ERAP2: variants seen among roughly 807,000 people sequenced by gnomAD.
ERAP2 encodes leukocyte-derived arginine aminopeptidase.
Under a neutral mutation model 111.1 loss-of-function variants are expected in ERAP2, and 118 were observed. That is an observed-to-expected ratio of 1.06 (90% CI 0.92 to 1.24). The LOEUF (loss-of-function observed/expected upper bound fraction) is 1.24. Ranked by LOEUF, ERAP2 falls within the 50% of genes most tolerant of loss-of-function variation. The probability of loss-of-function intolerance (pLI) is 0.00; values close to 1 mark genes in which losing one functional copy is unlikely to be tolerated. For missense variants in ERAP2, 1,131 were observed against 1,125.8 expected, an observed-to-expected ratio of 1.00 and a Z score of -0.07; for synonymous variants, 410 against 401.2, an observed-to-expected ratio of 1.02 and a Z score of -0.26.
intron 6 of ERAP2, among the ~76,000 whole-genome samples, chr5:96,893,613 A>G (rs1405899439): frequency 2.0e-5 from 3 of 152,182 alleles, no homozygotes; most frequent in Non-Finnish European, 2.9e-5. Flanking sequence ...CTGAGGCTCC[A>G]TGCTCCCTCT....
chr5:96,909,640 T>C lies in ERAP2; in HGVS notation c.2230T>C (p.Ser744Pro). ...CAGGCAAAGCTGGAGTGACAAGGGC[T>C]CAGTCTGGGACAGGATGCTCCGCTC... ...IDRQSWSDKG[S>P]VWDRMLRSAL... The change falls in exon 15 of 19, where the codon TCA (serine) becomes CCA (proline). Residue 744 changes from serine to proline, a missense_variant. By Grantham distance (74) the Ser-to-Pro change is moderately conservative. Transcript: ENST00000437043. 6.2e-7 allele frequency: 1 copy of C among 1,614,186 alleles called. No homozygotes were observed. Among genetic ancestry groups the C allele is most frequent in the Non-Finnish European group, 8.5e-7 (1 of 1,180,024 alleles).
At chr5:96,884,018 A>G in intron 3 of ERAP2, 88 bp downstream of exon 3, 2 of 1,291,262 alleles carry the variant, frequency 1.5e-6, no homozygotes, top group Non-Finnish European at 2.1e-6. Context: ...TCAGGATTTC[A>G]GCCATTAATT....
rs950557023 is a variant in ERAP2 at position 96,909,263 on chromosome 5, C to T, written c.2169+146C>T. 13 of 746,938 alleles carry T rather than the reference C, an allele frequency of 1.7e-5. No individual in the cohort carries two copies. The African/African-American group carries it at 2.3e-4, about 13-fold the overall frequency. 46.3% of individuals were successfully genotyped at this position (746,938 alleles called of 1,614,324 possible). On this transcript the variant is annotated intron_variant, in intron 14 of 18. Transcript: ENST00000437043. ...TGATAGCATGTAATGGTCAATGACC[C>T]TTGTTCTTTACCATTGCCAATCCTA... is the stretch of plus-strand genomic sequence containing the variant.
intron 13 of ERAP2, among the ~76,000 whole-genome samples, chr5:96,907,029 AAAAAC>A (rs551214151): frequency 1.1e-4 from 16 of 152,218 alleles, no homozygotes; most frequent in African/African-American, 3.1e-4. Context: ...ACTCCATCTC[AAAAAC>A]AAAACAAAAC....
chr5:96,898,572 CAAAA>C (rs770783071), intron 9 of ERAP2, among the ~76,000 whole-genome samples: 162 of 94,452 alleles, frequency 1.7e-3, no homozygotes, highest in African/African-American at 6.3e-3. Context: ...TACTAAAATA[CAAAA>C]AAAAAAAAAA....
Position 96,917,729 on chromosome 5 carries a change from A to AC in ERAP2, c.*128dup, listed in dbSNP as rs1787580331. ...AGACCATCCTGGCTAACACGGTGAG[A>AC]CCCCGTCTCCGCTAAAAATACAAAA... On this transcript the variant is annotated 3_prime_UTR_variant, in exon 19 of 19. Coordinates refer to ENST00000437043, the MANE Select transcript of ERAP2 (RefSeq NM_022350.5). 1 of 651,076 alleles carries AC rather than the reference A, an allele frequency of 1.5e-6. No homozygotes were observed. The highest frequency in any genetic ancestry group is 2.3e-5 in the South Asian group (1 of 44,078). 40.3% of individuals were successfully genotyped at this position (651,076 alleles called of 1,614,324 possible). A position where few individuals can be genotyped will look rare whatever the true frequency, so the allele number is the denominator to read the frequency against.
At chr5:96,914,182 A>G (rs923115727) in intron 17 of ERAP2, among the ~76,000 whole-genome samples, 3 of 151,854 alleles carry the variant, frequency 2.0e-5, no homozygotes, top group Non-Finnish European at 2.9e-5. Flanking sequence ...ACAAAACCCT[A>G]TAAGGCATTC....
Position 96,918,906 on chromosome 5 carries a change from C to T in ERAP2, c.*1301C>T, listed in dbSNP as rs771348365. On this transcript the variant is annotated 3_prime_UTR_variant, in exon 19 of 19. Coordinates refer to ENST00000437043, the MANE Select transcript of ERAP2 (RefSeq NM_022350.5). ...ACCCCCCACCTCCTTCTTTTAAGGG[C>T]GCTTCTTGCTCTCTGAAATGCCCTG... is the stretch of plus-strand genomic sequence containing the variant. 4 of 152,124 alleles carry T rather than the reference C, an allele frequency of 2.6e-5. No homozygotes were observed. The highest frequency in any genetic ancestry group is 6.6e-5 in the Admixed American group (1 of 15,264). 9.4% of individuals were successfully genotyped at this position (152,124 alleles called of 1,614,324 possible).
chr5:96,889,858 ACACACG>A (rs1457361253), intron 5 of ERAP2, among the ~76,000 whole-genome samples: 20 of 149,600 alleles, frequency 1.3e-4, no homozygotes, highest in African/African-American at 4.5e-4. Flanking sequence ...ACACACACAC[ACACACG>A]CATTGCATAT....
intron 13 of ERAP2, 86 bp from the exon 14 acceptor site, chr5:96,908,875 T>C (rs566241171): frequency 2.2e-6 from 3 of 1,352,144 alleles, no homozygotes; most frequent in African/African-American, 1.5e-5. Context: ...TCTGTTATTG[T>C]TCTCTATTTC....
At chr5:96,889,726 T>C (rs1382460692) in intron 5 of ERAP2, among the ~76,000 whole-genome samples, 15 of 152,018 alleles carry the variant, frequency 9.9e-5, no homozygotes, top group Admixed American at 9.8e-4. Context: ...AACGCTCTCA[T>C]CCATTATGCT....
chr5:96,880,282 T>C, intron 2 of ERAP2, 22 bp downstream of exon 2: 2 of 1,577,132 alleles, frequency 1.3e-6, no homozygotes, highest in Non-Finnish European at 1.7e-6. Flanking sequence ...CTCAGGTAAT[T>C]TACATTCTTT....
intron 5 of ERAP2, among the ~76,000 whole-genome samples, chr5:96,891,798 A>G (rs971719420): frequency 6.6e-6 from 1 of 152,122 alleles, no homozygotes; most frequent in Non-Finnish European, 1.5e-5. Flanking sequence ...AGAAATATCA[A>G]TCGAAATATT....
chr5:96,903,596 A>G, intron 13 of ERAP2, 36 bp downstream of exon 13: 1 of 1,540,056 alleles, frequency 6.5e-7, no homozygotes, highest in South Asian at 1.2e-5. Context: ...ATGCAAAATA[A>G]CTGATTCGTA....
intron 15 of ERAP2, among the ~76,000 whole-genome samples, chr5:96,911,866 C>CAAAAAA (rs386358295): frequency 5.6e-4 from 32 of 56,652 alleles, no homozygotes; most frequent in African/African-American, 2.1e-3. Flanking sequence ...GACCCTGTCT[C>CAAAAAA]AAAAAAAAAA....
rs146786535 is a variant in ERAP2, at chr5:96,880,147, G to A, written c.462G>A (p.Glu154=). The A allele has an allele frequency of 3.4e-4, 541 of 1,614,008 alleles. No individual in the cohort carries two copies. The highest frequency in any genetic ancestry group is 4.4e-4 in the Non-Finnish European group (522 of 1,179,998). The change falls in exon 2 of 19, where the codon GAG becomes GAA. Residue 154 remains glutamate (E), a synonymous_variant. Transcript: ENST00000437043. ...AACAAATTGCACTGCTGGTTCCAGA[G>A]AAACTTACGCCTCACCTGAAATACT... ...AHEQIALLVP[E]KLTPHLKYYV...
In ERAP2 at chr5:96,889,283, C is replaced by T. The variant is rs753034346; in HGVS notation, c.948C>T (p.Ile316=). Residue 316 remains isoleucine (I), a synonymous_variant, in exon 5 of 19, where the codon ATC becomes ATT. Coordinates refer to ENST00000437043, the MANE Select transcript of ERAP2 (RefSeq NM_022350.5). ...LLDFYEKYFD[I]YYPLSKLDLI... Reference sequence around the variant, plus strand: ...ATTTTTATGAAAAGTACTTTGATATCTACTATCCACTCTCCAAACTGGGTA... The same window carrying T: ...ATTTTTATGAAAAGTACTTTGATATTTACTATCCACTCTCCAAACTGGGTA... 1 of 1,613,762 alleles carries T rather than the reference C, an allele frequency of 6.2e-7. No homozygotes were observed. The highest frequency in any genetic ancestry group is 8.5e-7 in the Non-Finnish European group (1 of 1,179,798).
chr5:96,902,206 A>G, intron 11 of ERAP2, 68 bp from the exon 12 acceptor site: 1 of 1,082,920 alleles, frequency 9.2e-7, no homozygotes. Context: ...AGTCTGTCTG[A>G]GTCTGACAAT....
rs188408214 is a variant in ERAP2, at chr5:96,883,961, T to G, written c.714+31T>G. 6 of 1,548,042 alleles carry G rather than the reference T, an allele frequency of 3.9e-6. No individual in the cohort carries two copies. The Admixed American group carries it at 1.3e-4, about 33-fold the overall frequency. On this transcript the variant is annotated intron_variant, in intron 3 of 18. Coordinates refer to ENST00000437043, the MANE Select transcript of ERAP2 (RefSeq NM_022350.5). ...TCCACTTCCAGAAACTTTTAGAAATTGTTCTCAAGTTGAGACTCAGTCTTC... is the reference window on the plus strand; with the variant it reads ...TCCACTTCCAGAAACTTTTAGAAATGGTTCTCAAGTTGAGACTCAGTCTTC...
Sources: gnomAD v4.1 joint callset for allele counts (sites outside exome capture counted in the v4.1 genomes callset) on GRCh38, gnomAD v4.1.1 for gene constraint, MANE v1.5 for transcripts, NCBI Gene and HGNC (gene_info 2026-07-23, HGNC 2026-07-21) for gene names.